JAK2: variants seen among roughly 807,000 people sequenced by gnomAD.
The protein encoded by JAK2 is tyrosine-protein kinase JAK2.
In JAK2, 86 loss-of-function variants were observed where a neutral mutation model predicts 139.3. The ratio of observed to expected loss-of-function variants is 0.62; its 90% CI spans 0.52 to 0.74. The LOEUF (loss-of-function observed/expected upper bound fraction) is 0.74. Ranked by LOEUF, JAK2 falls within the 30% of genes least tolerant of loss-of-function variation. The pLI, the probability that JAK2 is intolerant of heterozygous loss-of-function variation, is 0.00. For synonymous variants in JAK2, 490 were observed against 437.7 expected, an observed-to-expected ratio of 1.12 and a Z score of -1.49; for missense variants, 1,421 against 1,360.3, an observed-to-expected ratio of 1.04 and a Z score of -0.70.
chr9:5,074,732 C>T (rs995380823), intron 14 of JAK2, among the ~76,000 whole-genome samples: 5 of 152,168 alleles, frequency 3.3e-5, no homozygotes, highest in African/African-American at 7.2e-5. Flanking sequence ...AAGATTCACC[C>T]GTCTCTCACT....
At chr9:5,073,861 G>C in intron 14 of JAK2, 76 bp downstream of exon 14, 1 of 939,726 alleles carries the variant, frequency 1.1e-6, no homozygotes, top group Non-Finnish European at 1.7e-6. Flanking sequence ...TCAGTTTCAG[G>C]ATCACAGCTA....
chr9:5,079,828 AT>A (rs1294260465), intron 16 of JAK2, among the ~76,000 whole-genome samples: 148 of 149,424 alleles, frequency 9.9e-4, no homozygotes, highest in Middle Eastern at 6.9e-3. Flanking sequence ...CAAAAAAAAA[AT>A]TTTTTTTTTT....
chr9:5,028,107 G>A (rs1020791524), intron 3 of JAK2, among the ~76,000 whole-genome samples: 1 of 152,178 alleles, frequency 6.6e-6, no homozygotes, highest in African/African-American at 2.4e-5. Flanking sequence ...AGGAAACACT[G>A]TGACAGCCAT....
At chr9:4,996,311 G>A (rs1001655085) in intron 2 of JAK2, among the ~76,000 whole-genome samples, 3 of 152,150 alleles carry the variant, frequency 2.0e-5, no homozygotes, top group African/African-American at 7.2e-5. Context: ...AGCCAGGTGT[G>A]GTGGTGCATG....
At chr9:5,118,749 T>C (rs2130836906) in intron 22 of JAK2, among the ~76,000 whole-genome samples, 1 of 152,326 alleles carries the variant, frequency 6.6e-6, no homozygotes, top group Admixed American at 6.5e-5. Context: ...TATGACGCCT[T>C]CTGAGATATG....
At chr9:5,036,249 A>T (rs1823591070) in intron 4 of JAK2, among the ~76,000 whole-genome samples, 1 of 152,234 alleles carries the variant, frequency 6.6e-6, no homozygotes, top group Non-Finnish European at 1.5e-5. Context: ...ATGGAAGAAC[A>T]TTCCATGCTC....
At chr9:4,988,196 A>C (rs1051024451) in intron 2 of JAK2, among the ~76,000 whole-genome samples, 7 of 152,024 alleles carry the variant, frequency 4.6e-5, no homozygotes, top group African/African-American at 1.7e-4. Context: ...CTTAGCTCCC[A>C]GTTTCCCAAA....
At chr9:5,087,722 T>C (rs1179255455) in intron 19 of JAK2, among the ~76,000 whole-genome samples, 1 of 152,246 alleles carries the variant, frequency 6.6e-6, no homozygotes, top group Non-Finnish European at 1.5e-5. Flanking sequence ...CATCAAATGG[T>C]AACCACTGCC....
At chr9:5,123,176 A>G (rs1418058372) in intron 23 of JAK2, 55 bp downstream of exon 23, 1 of 1,220,356 alleles carries the variant, frequency 8.2e-7, no homozygotes, top group African/African-American at 1.5e-5. Context: ...TGATTTTTAT[A>G]AATTTATGGG....
At chr9:5,055,306 T>A (rs1188105115) in intron 7 of JAK2, among the ~76,000 whole-genome samples, 3 of 152,072 alleles carry the variant, frequency 2.0e-5, no homozygotes. Context: ...AATTTGTTAA[T>A]ATCCGTGTTG....
chr9:4,998,684 TTAA>T (rs1247025875), intron 2 of JAK2, among the ~76,000 whole-genome samples: 5 of 152,018 alleles, frequency 3.3e-5, no homozygotes, highest in African/African-American at 1.2e-4. Flanking sequence ...GTAGTCATCA[TTAA>T]GCATGATTCT....
chr9:5,000,143 A>G (rs558741252), intron 2 of JAK2, among the ~76,000 whole-genome samples: 156 of 151,918 alleles, frequency 1.0e-3, no homozygotes, highest in Non-Finnish European at 8.5e-4. Context: ...TTTGTAGTAT[A>G]TATTTTTTCT....
chr9:5,041,640 C>G (rs919339871), intron 4 of JAK2: 17 of 502,768 alleles, frequency 3.4e-5, no homozygotes, highest in Admixed American at 6.9e-5. Flanking sequence ...CTTTGAGAAG[C>G]TCGACTACGA....
At chr9:5,118,224 T>C (rs1689686754) in intron 22 of JAK2, among the ~76,000 whole-genome samples, 2 of 152,200 alleles carry the variant, frequency 1.3e-5, no homozygotes, top group African/African-American at 4.8e-5. Flanking sequence ...AAAGATTATA[T>C]GAATAGACTT....
At chr9:5,041,276 A>C (rs759720678) in intron 4 of JAK2, 74 of 1,155,122 alleles carry the variant, frequency 6.4e-5, no homozygotes, top group Non-Finnish European at 9.2e-5. Context: ...CGGGCTGGCC[A>C]AGGGGTACAC....
intron 9 of JAK2, among the ~76,000 whole-genome samples, chr9:5,065,727 A>T (rs534124118): frequency 3.3e-5 from 5 of 152,328 alleles, no homozygotes; most frequent in African/African-American, 1.2e-4. Context: ...TATTTAGCTT[A>T]AGTCCTAATG....
chr9:5,123,162 C>A, intron 23 of JAK2, 41 bp downstream of exon 23: 1 of 1,354,212 alleles, frequency 7.4e-7, no homozygotes, highest in Non-Finnish European at 1.0e-6. Context: ...TTTGTTTGTT[C>A]GTTTGATTTT....
At chr9:5,077,165 C>T (rs1819361413) in intron 14 of JAK2, among the ~76,000 whole-genome samples, 2 of 150,696 alleles carry the variant, frequency 1.3e-5, no homozygotes. Flanking sequence ...AAAAACCAGC[C>T]ATAATTCAGT....
intron 19 of JAK2, among the ~76,000 whole-genome samples, chr9:5,084,627 G>C (rs1002715806): frequency 6.6e-6 from 1 of 152,008 alleles, no homozygotes; most frequent in Non-Finnish European, 1.5e-5. Flanking sequence ...TTGAAATCTA[G>C]AGTGTTTTTT....
Sources: allele counts gnomAD v4.1 joint callset (sites outside exome capture counted in the v4.1 genomes callset), GRCh38; gene constraint gnomAD v4.1.1; transcripts MANE v1.5; gene names NCBI Gene and HGNC (gene_info 2026-07-23, HGNC 2026-07-21).